RRAS2: variants seen among roughly 807,000 people sequenced by gnomAD.
RRAS2 encodes the protein ras-related protein R-Ras2.
Under a neutral mutation model 27.6 loss-of-function variants are expected in RRAS2, and 7 were observed. That is an observed-to-expected ratio of 0.25 (90% CI 0.14 to 0.48). The LOEUF (loss-of-function observed/expected upper bound fraction) is 0.48. RRAS2 is among the 20% of genes least tolerant of loss of function. The probability of loss-of-function intolerance (pLI) is 0.99; values close to 1 mark genes in which losing one functional copy is unlikely to be tolerated. For synonymous variants in RRAS2, 86 were observed against 90.9 expected (o/e 0.95, Z 0.31); for missense variants, 178 against 256.2 (o/e 0.69, Z 2.08).
rs1156654694 is a variant in RRAS2, at chr11:14,319,345, CTTTTTTTTTTTTT to C, written c.109-23503_109-23491del. The stretch of plus-strand genomic sequence containing the variant: ...TATTAACTATTCAGGTTCCCTCTGT[CTTTTTTTTTTTTT>C]TTTTTTTTTTTGAGACGGAGTCTCG... On this transcript the variant is annotated intron_variant, in intron 1 of 5. Transcript: ENST00000256196. 3.3e-5 allele frequency among the ~76,000 whole-genome samples: 3 copies of C among 91,532 alleles called. No homozygotes were observed. In the South Asian group the frequency reaches 1.3e-3, roughly 39 times the overall value. 60.0% of individuals were successfully genotyped at this position (91,532 alleles called of 152,430 possible).
chr11:14,303,330 A>G (rs989444445), intron 1 of RRAS2, among the ~76,000 whole-genome samples: 1 of 152,232 alleles, frequency 6.6e-6, no homozygotes, highest in Non-Finnish European at 1.5e-5. Context: ...GTTAAACTCA[A>G]TGGGTATAAG....
At chr11:14,306,104 G>A (rs1159698447) in intron 1 of RRAS2, among the ~76,000 whole-genome samples, 1 of 150,032 alleles carries the variant, frequency 6.7e-6, no homozygotes, top group Non-Finnish European at 1.5e-5. Flanking sequence ...GACACCCTAC[G>A]GATGTAAAAT....
chr11:14,314,752 C>T (rs528059433), intron 1 of RRAS2, among the ~76,000 whole-genome samples: 14 of 152,058 alleles, frequency 9.2e-5, no homozygotes, highest in African/African-American at 2.9e-4. Context: ...TGCAGTGGTG[C>T]GATCTCGGCT....
upstream of RRAS2, among the ~76,000 whole-genome samples, chr11:14,361,435 A>C (rs1849190028): frequency 6.6e-6 from 1 of 152,242 alleles, no homozygotes; most frequent in Non-Finnish European, 1.5e-5. Context: ...AGGCCAAGGC[A>C]GGAGGATCGC....
intron 1 of RRAS2, among the ~76,000 whole-genome samples, chr11:14,325,288 A>G (rs2134002556): frequency 6.7e-6 from 1 of 149,496 alleles, no homozygotes; most frequent in Non-Finnish European, 1.5e-5. Flanking sequence ...TACTGTTGGG[A>G]GTTTCTTTTA....
At chr11:14,360,567 A>AT (rs34348752), upstream of RRAS2, among the ~76,000 whole-genome samples, 709 of 148,034 alleles carry the variant, frequency 4.8e-3, 4 homozygotes, top group African/African-American at 0.016. Flanking sequence ...AGATCAGGTA[A>AT]TTTTTTTTTT....
At chr11:14,338,223 ATAAGG>A (rs1848626696) in intron 1 of RRAS2, among the ~76,000 whole-genome samples, 1 of 152,200 alleles carries the variant, frequency 6.6e-6, no homozygotes, top group Non-Finnish European at 1.5e-5. Context: ...CTAAAATCCT[ATAAGG>A]TAAGTACTAT....
chr11:14,324,863 T>C (rs896394306), intron 1 of RRAS2, among the ~76,000 whole-genome samples: 2 of 152,166 alleles, frequency 1.3e-5, no homozygotes, highest in East Asian at 1.9e-4. Context: ...AAATTCGATA[T>C]ATAAATAGAA....
chr11:14,346,510 C>T (rs1362242015), intron 1 of RRAS2, among the ~76,000 whole-genome samples: 2 of 152,184 alleles, frequency 1.3e-5, no homozygotes, highest in Non-Finnish European at 2.9e-5. Flanking sequence ...AGGACCTCTA[C>T]TGTTATAACA....
intron 4 of RRAS2, among the ~76,000 whole-genome samples, chr11:14,292,330 A>C (rs1195404846): frequency 6.6e-6 from 1 of 152,168 alleles, no homozygotes; most frequent in Non-Finnish European, 1.5e-5. Flanking sequence ...TACTGGAGCT[A>C]CCACCATGAG....
chr11:14,332,888 C>T (rs1848509653), intron 1 of RRAS2, among the ~76,000 whole-genome samples: 1 of 152,098 alleles, frequency 6.6e-6, no homozygotes, highest in Admixed American at 6.5e-5. Context: ...GAAACAATAA[C>T]AATATAAACC....
chr11:14,347,042 C>T (rs999796515), intron 1 of RRAS2, among the ~76,000 whole-genome samples: 1 of 152,100 alleles, frequency 6.6e-6, no homozygotes, highest in African/African-American at 2.4e-5. Flanking sequence ...GCCTGTAGTC[C>T]TAGCTACTCA....
chr11:14,279,436 A>C lies in RRAS2; in HGVS notation c.528-12T>G. On this transcript the variant is annotated splice_polypyrimidine_tract_variant and intron_variant, in intron 5 of 5. Coordinates refer to ENST00000256196, the MANE Select transcript of RRAS2 (RefSeq NM_012250.6). ...GCTCTTGAAATTTCCTGTAAGATAA[A>C]AAATTCTAAAATATAATTGCCTTCT... 1 of 1,570,640 alleles carries C rather than the reference A, an allele frequency of 6.4e-7. No individual in the cohort carries two copies.
intron 1 of RRAS2, among the ~76,000 whole-genome samples, chr11:14,329,490 C>T (rs935105069): frequency 2.0e-5 from 3 of 152,146 alleles, no homozygotes; most frequent in Non-Finnish European, 4.4e-5. Flanking sequence ...CTCGCATACA[C>T]AGATACCTTT....
chr11:14,334,190 A>C (rs1201890489), intron 1 of RRAS2, among the ~76,000 whole-genome samples: 1 of 152,204 alleles, frequency 6.6e-6, no homozygotes, highest in African/African-American at 2.4e-5. Context: ...GCAGCACGAG[A>C]GTGCCCATTT....
intron 1 of RRAS2, among the ~76,000 whole-genome samples, chr11:14,335,863 C>T (rs944252454): frequency 4.6e-5 from 7 of 152,132 alleles, no homozygotes; most frequent in Non-Finnish European, 8.8e-5. Flanking sequence ...CAAAAGAATG[C>T]TCTCTCTAGC....
chr11:14,281,822 A>G (rs953476587), intron 4 of RRAS2, 102 bp from the exon 5 acceptor site: 2 of 1,000,348 alleles, frequency 2.0e-6, no homozygotes, highest in Non-Finnish European at 3.0e-6. Context: ...CAAGAGGCCA[A>G]GTTGTTTTAT....
intron 1 of RRAS2, among the ~76,000 whole-genome samples, chr11:14,330,379 G>A (rs1848460342): frequency 1.3e-5 from 2 of 152,124 alleles, no homozygotes; most frequent in African/African-American, 4.8e-5. Flanking sequence ...GGGCATGGTG[G>A]CACACGCCTG....
In RRAS2 at chr11:14,281,661, T is replaced by C; in HGVS notation, c.468A>G (p.Ala156=). The C allele has an allele frequency of 6.3e-7, 1 of 1,596,322 alleles. No individual in the cohort carries two copies. Among genetic ancestry groups the C allele is most frequent in the Non-Finnish European group, 8.5e-7 (1 of 1,174,730 alleles). Residue 156 remains alanine (A), a synonymous_variant, in exon 5 of 6, where the codon GCA becomes GCG. Transcript: ENST00000256196. ...ARQLKVTYME[A]SAKIRMNVDQ... is the part of the protein sequence containing the mutation. ...CTACATTCATCCTAATCTTTGCTGA[T>C]GCCTCCATGTATGTTACCTTAAGCT...
Sources: gnomAD v4.1 joint callset for allele counts (sites outside exome capture counted in the v4.1 genomes callset) on GRCh38, gnomAD v4.1.1 for gene constraint, MANE v1.5 for transcripts, NCBI Gene and HGNC (gene_info 2026-07-23, HGNC 2026-07-21) for gene names.